Variants in MAN1A1 observed in about 807,000 individuals in gnomAD.
MAN1A1 encodes the protein mannosidase alpha class 1A member 1.
MAN1A1 carries 29 observed loss-of-function variants against 70.8 expected under a neutral mutation model. The observed-to-expected ratio is 0.41, with a 90% confidence interval of 0.31 to 0.56. The LOEUF is 0.56. Among genes scored for constraint, MAN1A1 ranks in the 20% least tolerant of loss-of-function variants. The pLI, the probability that MAN1A1 is intolerant of heterozygous loss-of-function variation, is 0.29. For synonymous variants in MAN1A1, 349 were observed against 330.1 expected (o/e 1.06, Z -0.62); for missense variants, 747 against 841.3 (o/e 0.89, Z 1.39).
rs189147447 is a variant in MAN1A1 at position 119,280,870 on chromosome 6, A to G, written c.897+9813T>C. On this transcript the variant is annotated intron_variant, in intron 5 of 12. Coordinates refer to ENST00000368468, the MANE Select transcript of MAN1A1 (RefSeq NM_005907.4). ...CCTCATCTCTTTCATTAGGCTTTTG[A>G]AAAATGAGAAGTGACTGACCTAGTG... 3.5e-3 allele frequency among the ~76,000 whole-genome samples: 538 copies of G among 152,346 alleles called. 1 individual carries two copies. The highest frequency in any genetic ancestry group is 8.8e-3 in the Admixed American group (135 of 15,302).
intron 5 of MAN1A1, among the ~76,000 whole-genome samples, chr6:119,263,080 A>G (rs1775654261): frequency 6.6e-6 from 1 of 152,130 alleles, no homozygotes; most frequent in Non-Finnish European, 1.5e-5. Flanking sequence ...CTCAAACATC[A>G]GACTTCAAGT....
chr6:119,329,835 C>T (rs144056671), intron 2 of MAN1A1, among the ~76,000 whole-genome samples: 1 of 152,280 alleles, frequency 6.6e-6, no homozygotes, highest in African/African-American at 2.4e-5. Context: ...ACAGCTGCTA[C>T]CCTGAATACT....
At chr6:119,294,954 T>G (rs1772162146) in intron 4 of MAN1A1, among the ~76,000 whole-genome samples, 1 of 152,142 alleles carries the variant, frequency 6.6e-6, no homozygotes, top group Non-Finnish European at 1.5e-5. Context: ...CCCTTTTCCA[T>G]ATGTTTTTGT....
chr6:119,261,774 T>C (rs1243376813), intron 5 of MAN1A1, among the ~76,000 whole-genome samples: 1 of 152,192 alleles, frequency 6.6e-6, no homozygotes, highest in Non-Finnish European at 1.5e-5. Flanking sequence ...CAATATGATT[T>C]ATGTACATTA....
intron 11 of MAN1A1, among the ~76,000 whole-genome samples, chr6:119,186,929 A>C (rs1246768014): frequency 6.6e-6 from 1 of 152,236 alleles, no homozygotes; most frequent in Non-Finnish European, 1.5e-5. Flanking sequence ...TTGAGACCTC[A>C]GTGTTGTGAC....
chr6:119,210,748 CA>C lies in MAN1A1; in HGVS notation c.993-5867del, dbSNP rs1384265324. 4 of 196,450 alleles carry C rather than the reference CA, an allele frequency of 2.0e-5. No homozygotes were observed. The East Asian group carries it at 5.7e-4, about 28-fold the overall frequency. 12.2% of individuals were successfully genotyped at this position (196,450 alleles called of 1,614,324 possible). ...ACTTATGTTCAGACAAAAATGTCTA[CA>C]AAGATGCCAGCTGGAAGATGTCAGT... On this transcript the variant is annotated intron_variant, in intron 6 of 12. Coordinates refer to ENST00000368468, the MANE Select transcript of MAN1A1 (RefSeq NM_005907.4).
chr6:119,334,306 G>C (rs1238099217), intron 2 of MAN1A1, among the ~76,000 whole-genome samples: 1 of 152,100 alleles, frequency 6.6e-6, no homozygotes, highest in Non-Finnish European at 1.5e-5. Context: ...GCCCAACAAA[G>C]AATATCTTTC....
chr6:119,349,191 C>CGGG lies in MAN1A1; in HGVS notation c.-127_-126insCCC. 8.1e-7 allele frequency: 1 copy of CGGG among 1,227,570 alleles called. No individual in the cohort carries two copies. The highest frequency in any genetic ancestry group is 1.0e-6 in the Non-Finnish European group (1 of 986,024). The allele number at this position is 1,227,570 out of a possible 1,614,324, so 76.0% of individuals were successfully genotyped here. On this transcript the variant is annotated 5_prime_UTR_variant, in exon 2 of 13. Transcript: ENST00000368468. ...CCGCCCGACCCCCTCGGCTGGGCTG[C>CGGG]GGATCCTCCCTGGGGGAACAACTCC...
At chr6:119,244,658 T>C (rs367702261) in intron 6 of MAN1A1, among the ~76,000 whole-genome samples, 3 of 152,094 alleles carry the variant, frequency 2.0e-5, no homozygotes, top group East Asian at 3.8e-4. Flanking sequence ...ACAACTTGAC[T>C]TATTGATGTT....
intron 6 of MAN1A1, among the ~76,000 whole-genome samples, chr6:119,246,369 T>C (rs1304191572): frequency 2.6e-5 from 4 of 152,118 alleles, no homozygotes; most frequent in Non-Finnish European, 4.4e-5. Flanking sequence ...CTTTTGGAAA[T>C]TGTGTAAAAA....
chr6:119,243,099 A>C (rs561121247), intron 6 of MAN1A1, among the ~76,000 whole-genome samples: 40 of 152,078 alleles, frequency 2.6e-4, no homozygotes, highest in Non-Finnish European at 5.4e-4. Flanking sequence ...TAGATCCATA[A>C]AGTATATAAA....
chr6:119,180,220 T>C (rs928215777), intron 12 of MAN1A1, 92 bp downstream of exon 12: 2 of 880,830 alleles, frequency 2.3e-6, no homozygotes, highest in Non-Finnish European at 3.6e-6. Context: ...TCAGGCATAC[T>C]TGATATTACT....
intron 2 of MAN1A1, among the ~76,000 whole-genome samples, chr6:119,324,956 C>A (rs1400449522): frequency 2.0e-5 from 3 of 152,104 alleles, no homozygotes; most frequent in African/African-American, 7.2e-5. Context: ...CTCACCCCAA[C>A]AGATGTGACA....
At chr6:119,314,571 G>A (rs1037417784) in intron 2 of MAN1A1, among the ~76,000 whole-genome samples, 2 of 152,084 alleles carry the variant, frequency 1.3e-5, no homozygotes, top group African/African-American at 2.4e-5. Flanking sequence ...ACTCTCTCAC[G>A]CTGATTTTCT....
In MAN1A1 at chr6:119,219,795, T is replaced by C. The variant is rs371110944; in HGVS notation, c.993-14913A>G. Among the ~76,000 whole-genome samples the C allele has an allele frequency of 5.3e-5, 8 of 152,312 alleles. No individual in the cohort carries two copies. The East Asian group carries it at 1.5e-3, about 29-fold the overall frequency. On this transcript the variant is annotated intron_variant, in intron 6 of 12. Coordinates refer to ENST00000368468, the MANE Select transcript of MAN1A1 (RefSeq NM_005907.4). ...TGCTACACAACTACCAAATATGTAGTATTTTAAGAAAGCTCTTACATGTCA... is the reference window on the plus strand; with the variant it reads ...TGCTACACAACTACCAAATATGTAGCATTTTAAGAAAGCTCTTACATGTCA...
At chr6:119,202,372 T>A (rs1582692058) in intron 7 of MAN1A1, among the ~76,000 whole-genome samples, 1 of 152,124 alleles carries the variant, frequency 6.6e-6, no homozygotes, top group Admixed American at 6.6e-5. Context: ...CACTGGAAGG[T>A]CTTTCAGGGG....
intron 5 of MAN1A1, among the ~76,000 whole-genome samples, chr6:119,266,108 A>C (rs1775746551): frequency 6.6e-6 from 1 of 152,206 alleles, no homozygotes; most frequent in Admixed American, 6.5e-5. Context: ...TGATGAAAAA[A>C]ATCAAAGAAC....
chr6:119,204,120 C>T (rs1034327831), intron 7 of MAN1A1, among the ~76,000 whole-genome samples: 2 of 152,084 alleles, frequency 1.3e-5, no homozygotes, highest in Admixed American at 6.6e-5. Context: ...CTGACTGTGT[C>T]GAATGCTAAG....
chr6:119,260,976 GTTTTTTTTTTTT>G (rs61169300), intron 5 of MAN1A1, among the ~76,000 whole-genome samples: 2 of 116,942 alleles, frequency 1.7e-5, no homozygotes, highest in Non-Finnish European at 3.4e-5. Flanking sequence ...TTTTTTTATT[GTTTTTTTTTTTT>G]TTTTTTTTGA....
Sources: allele counts gnomAD v4.1 joint callset (sites outside exome capture counted in the v4.1 genomes callset), GRCh38; gene constraint gnomAD v4.1.1; transcripts MANE v1.5; gene names NCBI Gene and HGNC (gene_info 2026-07-23, HGNC 2026-07-21).